Variants in SPAST observed in about 807,000 individuals in gnomAD.
SPAST encodes spastic paraplegia 4 (autosomal dominant; spastin).
A neutral mutation model predicts 76.6 loss-of-function variants in SPAST; 30 were observed. The observed-to-expected ratio is 0.39, with a 90% CI of 0.29 to 0.53. The LOEUF (loss-of-function observed/expected upper bound fraction) is 0.53. SPAST is among the 20% of genes least tolerant of loss of function. The pLI, the probability that SPAST is intolerant of heterozygous loss-of-function variation, is 0.68. For missense variants in SPAST, 717 were observed against 770.5 expected (o/e 0.93, Z 0.82); for synonymous variants, 305 against 281.0 (o/e 1.09, Z -0.86).
At chr2:32,095,633 G>A (rs1677887891) in intron 3 of SPAST, among the ~76,000 whole-genome samples, 2 of 151,976 alleles carry the variant, frequency 1.3e-5, no homozygotes, top group African/African-American at 2.4e-5. Flanking sequence ...TACTTACTTG[G>A]GAGGCTGAGG....
At chr2:32,094,752 C>G (rs965345278) in intron 3 of SPAST, among the ~76,000 whole-genome samples, 23 of 152,238 alleles carry the variant, frequency 1.5e-4, no homozygotes, top group African/African-American at 5.5e-4. Context: ...GGTGGATCAC[C>G]TGAGGTCAGG....
In SPAST at chr2:32,157,041, A is replaced by C. The variant is rs575735357; in HGVS notation, c.*2545A>C. The C allele has an allele frequency of 6.6e-6, 1 of 152,624 alleles. No individual in the cohort carries two copies. Among genetic ancestry groups the C allele is most frequent in the African/African-American group, 2.4e-5 (1 of 41,576 alleles). 9.5% of individuals were successfully genotyped at this position (152,624 alleles called of 1,614,324 possible). On this transcript the variant is annotated 3_prime_UTR_variant, in exon 17 of 17. Coordinates refer to ENST00000315285, the MANE Select transcript of SPAST (RefSeq NM_014946.4). Reference sequence around the variant, plus strand: ...GGGATTGGTTTGGTCTTTTTCAATAAAGATAGAAGTTGCTGAAGTTTTCTG... The same window carrying C: ...GGGATTGGTTTGGTCTTTTTCAATACAGATAGAAGTTGCTGAAGTTTTCTG...
chr2:32,138,249 A>G (rs934573114), intron 12 of SPAST, among the ~76,000 whole-genome samples: 7 of 152,216 alleles, frequency 4.6e-5, no homozygotes, highest in Non-Finnish European at 7.4e-5. Flanking sequence ...GCTTTCTACA[A>G]TGACTGAACT....
At chr2:32,104,280 CT>C (rs939097987) in intron 4 of SPAST, among the ~76,000 whole-genome samples, 1 of 151,968 alleles carries the variant, frequency 6.6e-6, no homozygotes, top group African/African-American at 2.4e-5. Context: ...GCAAACCCTG[CT>C]TTTTTTGTTT....
At chr2:32,152,779 ACT>A (rs1680131111) in intron 16 of SPAST, among the ~76,000 whole-genome samples, 1 of 150,284 alleles carries the variant, frequency 6.7e-6, no homozygotes. Flanking sequence ...ACAGGGTATC[ACT>A]CTGTCTCCCA....
chr2:32,105,050 C>A (rs1678266425), intron 4 of SPAST, among the ~76,000 whole-genome samples: 1 of 152,138 alleles, frequency 6.6e-6, no homozygotes, highest in South Asian at 2.1e-4. Flanking sequence ...AGAGTGTTTT[C>A]CAACTTGGTT....
At chr2:32,098,295 G>A (rs959505627) in intron 3 of SPAST, among the ~76,000 whole-genome samples, 5 of 151,980 alleles carry the variant, frequency 3.3e-5, no homozygotes, top group Non-Finnish European at 7.4e-5. Context: ...TTGAGACCCC[G>A]TCTCTACAAA....
intron 7 of SPAST, among the ~76,000 whole-genome samples, chr2:32,121,299 T>C: frequency 6.6e-6 from 1 of 150,442 alleles, no homozygotes; most frequent in East Asian, 2.0e-4. Context: ...ATTACAGGCA[T>C]CTGCCACCAC....
intron 9 of SPAST, among the ~76,000 whole-genome samples, chr2:32,132,529 C>CTTTT (rs34112329): frequency 6.8e-6 from 1 of 148,132 alleles, no homozygotes; most frequent in African/African-American, 2.5e-5. Flanking sequence ...AAAACTCAAT[C>CTTTT]TTTTTTTTTT....
intron 2 of SPAST, among the ~76,000 whole-genome samples, chr2:32,088,644 CAGAA>C (rs758749774): frequency 9.2e-5 from 14 of 152,054 alleles, no homozygotes; most frequent in Non-Finnish European, 1.9e-4. Flanking sequence ...AACTCTGTCT[CAGAA>C]AGAAAGAAAA....
At chr2:32,103,915 G>A (rs1403774539) in intron 4 of SPAST, among the ~76,000 whole-genome samples, 1 of 152,136 alleles carries the variant, frequency 6.6e-6, no homozygotes, top group Non-Finnish European at 1.5e-5. Context: ...AATAGGTGTG[G>A]TGTGGTGCTG....
chr2:32,071,233 T>C (rs953361125), intron 1 of SPAST, among the ~76,000 whole-genome samples: 1 of 152,176 alleles, frequency 6.6e-6, no homozygotes, highest in African/African-American at 2.4e-5. Context: ...GTATGTTATA[T>C]GAATGAGAGA....
intron 4 of SPAST, among the ~76,000 whole-genome samples, chr2:32,103,729 G>C (rs906327947): frequency 6.6e-6 from 1 of 152,150 alleles, no homozygotes; most frequent in Non-Finnish European, 1.5e-5. Context: ...TATATACCCA[G>C]TAGTCATTCA....
At chr2:32,112,630 G>A (rs1018428574) in intron 4 of SPAST, among the ~76,000 whole-genome samples, 9 of 151,760 alleles carry the variant, frequency 5.9e-5, no homozygotes, top group Non-Finnish European at 8.8e-5. Context: ...ACAGGCGTAA[G>A]CCACCACGCC....
rs748779010 is a variant in SPAST, at chr2:32,136,609, G to A, written c.1292G>A (p.Arg431Gln). ...GTGAGGGCTCTTTTTGCTGTGGCTCGAGAACTTCAACCTTCTATAATTTTT... is the reference window on the plus strand; with the variant it reads ...GTGAGGGCTCTTTTTGCTGTGGCTCAAGAACTTCAACCTTCTATAATTTTT... ...KLVRALFAVA[R>Q]ELQPSIIFID... Residue 431 changes from arginine to glutamine, a missense_variant, in exon 10 of 17, where the codon CGA (arginine) becomes CAA (glutamine). Coordinates refer to ENST00000315285, the MANE Select transcript of SPAST (RefSeq NM_014946.4). The A allele has an allele frequency of 7.4e-6, 12 of 1,613,418 alleles. No individual in the cohort carries two copies. Among genetic ancestry groups the A allele is most frequent in the Non-Finnish European group, 9.3e-6 (11 of 1,179,580 alleles).
intron 7 of SPAST, 36 bp from the exon 8 acceptor site, chr2:32,126,912 G>C: frequency 7.0e-7 from 1 of 1,427,292 alleles, no homozygotes; most frequent in Non-Finnish European, 9.9e-7. Context: ...AATGTCTCTA[G>C]AATCATAGTT....
At chr2:32,143,467 A>G (rs772391417) in intron 14 of SPAST, 52 bp downstream of exon 14, 1 of 1,097,622 alleles carries the variant, frequency 9.1e-7, no homozygotes, top group Admixed American at 1.9e-5. Context: ...TTTTTTGTAA[A>G]TAATTCTTTT....
Position 32,064,216 on chromosome 2 carries a change from A to G in SPAST, c.385A>G (p.Ile129Val), listed in dbSNP as rs1362108129. ...FHKQAFEYIS[I>V]ALRIDEDEKA... ...CAAACAGGCCTTCGAGTACATCTCC[A>G]TTGCCCTGCGCATCGATGAGGATGA... The change falls in exon 1 of 17, where the codon ATT becomes GTT. Residue 129 changes from isoleucine to valine, a missense_variant. Transcript: ENST00000315285. 2.1e-6 allele frequency: 3 copies of G among 1,452,058 alleles called. No homozygotes were observed. Among genetic ancestry groups the G allele is most frequent in the Non-Finnish European group, 2.8e-6 (3 of 1,089,074 alleles). The allele number at this position is 1,452,058 out of a possible 1,614,324, so 89.9% of individuals were successfully genotyped here.
chr2:32,075,021 C>G (rs2148697035), intron 1 of SPAST, among the ~76,000 whole-genome samples: 1 of 152,150 alleles, frequency 6.6e-6, no homozygotes, highest in Middle Eastern at 3.4e-3. Flanking sequence ...AAGATTACAG[C>G]TAGAGGTTAT....
Sources: allele counts gnomAD v4.1 joint callset (sites outside exome capture counted in the v4.1 genomes callset), GRCh38; gene constraint gnomAD v4.1.1; transcripts MANE v1.5; gene names NCBI Gene and HGNC (gene_info 2026-07-23, HGNC 2026-07-21).